The following METTL15 variants were observed in gnomAD, a reference collection of about 807,000 sequenced individuals.
METTL15 encodes the protein 12S rRNA N(4)-cytidine methyltransferase METTL15.
METTL15 carries 34 observed loss-of-function variants against 38.3 expected under a neutral mutation model. The observed-to-expected ratio is 0.89, with a 90% confidence interval of 0.68 to 1.18. The LOEUF (loss-of-function observed/expected upper bound fraction) is 1.18, where lower values mean the gene tolerates loss of function less well. METTL15 is among the 50% of genes most tolerant of loss of function. METTL15 has a pLI of 0.00. For missense variants in METTL15, 438 were observed against 498.4 expected (o/e 0.88, Z 1.15); for synonymous variants, 162 against 170.9 (o/e 0.95, Z 0.41).
intron 3 of METTL15, among the ~76,000 whole-genome samples, chr11:28,200,952 G>A (rs1163301304): frequency 1.3e-5 from 2 of 152,068 alleles, no homozygotes; most frequent in African/African-American, 4.8e-5. Context: ...TTGAATAGGA[G>A]TGGTGAGAGG....
chr11:28,113,270 C>T lies in METTL15; in HGVS notation c.-17-48C>T, dbSNP rs191041404. 2,568 of 1,286,902 alleles carry T rather than the reference C, an allele frequency of 2.0e-3. 5 individuals carry two copies. The highest frequency in any genetic ancestry group is 2.5e-3 in the Non-Finnish European group (2,304 of 928,838). The allele number at this position is 1,286,902 out of a possible 1,614,324, so 79.7% of individuals were successfully genotyped here. On this transcript the variant is annotated intron_variant, in intron 2 of 6. Transcript: ENST00000407364. Reference sequence around the variant, plus strand: ...ATTTGATTTTCCCCAAGTATTAGAACATTCTTTTAAAAAAATCCAACAATC... The same window carrying T: ...ATTTGATTTTCCCCAAGTATTAGAATATTCTTTTAAAAAAATCCAACAATC...
chr11:28,496,642 G>A (rs1287045916), intron 6 of METTL15, among the ~76,000 whole-genome samples: 2 of 152,110 alleles, frequency 1.3e-5, no homozygotes, highest in African/African-American at 2.4e-5. Flanking sequence ...GTCTTGGTTT[G>A]TCTCCTTTCT....
intron 6 of METTL15, among the ~76,000 whole-genome samples, chr11:28,525,401 C>T (rs1851801797): frequency 6.6e-6 from 1 of 152,068 alleles, no homozygotes; most frequent in Admixed American, 6.5e-5. Flanking sequence ...GCTAGATACA[C>T]AGTGCTAATT....
intron 6 of METTL15, among the ~76,000 whole-genome samples, chr11:28,509,924 T>G (rs1373825304): frequency 6.6e-6 from 1 of 152,188 alleles, no homozygotes. Flanking sequence ...ATCATTTTTT[T>G]TTTCTATTCT....
At chr11:28,115,935 T>TACACACACAC (rs112533269) in intron 3 of METTL15, among the ~76,000 whole-genome samples, 8 of 142,456 alleles carry the variant, frequency 5.6e-5, no homozygotes, top group South Asian at 2.3e-4. Flanking sequence ...CACATACACA[T>TACACACACAC]ACACACACAC....
At chr11:28,221,387 C>T (rs1853212195) in intron 4 of METTL15, among the ~76,000 whole-genome samples, 1 of 152,112 alleles carries the variant, frequency 6.6e-6, no homozygotes, top group African/African-American at 2.4e-5. Flanking sequence ...TTACGCAGTT[C>T]TCGTGCCATG....
intron 6 of METTL15, among the ~76,000 whole-genome samples, chr11:28,437,341 C>T (rs1006229580): frequency 6.6e-6 from 1 of 152,148 alleles, no homozygotes; most frequent in East Asian, 1.9e-4. Context: ...ATACACTCAC[C>T]TAGCATGATG....
At chr11:28,178,783 A>G (rs756055906) in intron 3 of METTL15, among the ~76,000 whole-genome samples, 6 of 151,824 alleles carry the variant, frequency 4.0e-5, no homozygotes, top group Non-Finnish European at 8.8e-5. Flanking sequence ...ATTCATTGCG[A>G]ATATTTTACC....
intron 4 of METTL15, among the ~76,000 whole-genome samples, chr11:28,263,324 T>C (rs902861547): frequency 6.6e-6 from 1 of 152,118 alleles, no homozygotes; most frequent in Non-Finnish European, 1.5e-5. Flanking sequence ...TCACATATTA[T>C]TGGCATACCT....
At chr11:28,316,523 G>A (rs1857486597) in intron 6 of METTL15, among the ~76,000 whole-genome samples, 2 of 152,138 alleles carry the variant, frequency 1.3e-5, no homozygotes, top group Admixed American at 6.5e-5. Flanking sequence ...GCAGACTTTT[G>A]AGTTACTGCT....
intron 4 of METTL15, 107 bp from the exon 5 acceptor site, chr11:28,290,099 G>A (rs1422976080): frequency 1.2e-5 from 11 of 912,264 alleles, no homozygotes; most frequent in East Asian, 8.1e-5. Flanking sequence ...AATATATATC[G>A]GTTAAATCAT....
At chr11:28,423,298 G>T (rs1850836977) in intron 5 of METTL15, among the ~76,000 whole-genome samples, 1 of 151,818 alleles carries the variant, frequency 6.6e-6, no homozygotes, top group African/African-American at 2.4e-5. Flanking sequence ...GTTCCTCAAA[G>T]AACTAAAAAC....
chr11:28,218,499 T>C (rs1320982840), intron 4 of METTL15, among the ~76,000 whole-genome samples: 2 of 152,210 alleles, frequency 1.3e-5, no homozygotes, highest in Admixed American at 1.3e-4. Context: ...TCATGTCATC[T>C]GCAAACAGGA....
At chr11:28,208,648 C>T (rs1004393697) in intron 3 of METTL15, among the ~76,000 whole-genome samples, 1 of 152,126 alleles carries the variant, frequency 6.6e-6, no homozygotes, top group Non-Finnish European at 1.5e-5. Flanking sequence ...GAGCTGAGTT[C>T]AATTCCTGAG....
At position 28,332,023 on chromosome 11, in the gene METTL15, C is replaced by G. The variant is rs1849830210; in HGVS notation, c.*1182C>G. On this transcript the variant is annotated 3_prime_UTR_variant, in exon 7 of 7. Coordinates refer to ENST00000407364, the MANE Select transcript of METTL15 (RefSeq NM_001113528.2). ...GAAAAAAGATTCTCCATTATAGTTA[C>G]AAATTTTAGGTTGGTGAATCCAAGT... 6.6e-6 allele frequency: 1 copy of G among 152,084 alleles called. No homozygotes were observed. Among genetic ancestry groups the G allele is most frequent in the Non-Finnish European group, 1.5e-5 (1 of 68,004 alleles). 9.4% of individuals were successfully genotyped at this position (152,084 alleles called of 1,614,324 possible). A position where few individuals can be genotyped will look rare whatever the true frequency, so the allele number is the denominator to read the frequency against.
intron 4 of METTL15, chr11:28,261,288 C>T (rs1169047127): frequency 6.6e-6 from 1 of 152,182 alleles, no homozygotes; most frequent in Non-Finnish European, 1.5e-5. Flanking sequence ...ACTTTGAGAG[C>T]TTCTTTGGAG....
intron 6 of METTL15, among the ~76,000 whole-genome samples, chr11:28,427,786 A>G (rs1193997666): frequency 6.6e-6 from 1 of 152,196 alleles, no homozygotes; most frequent in Non-Finnish European, 1.5e-5. Context: ...CTGATTTTGT[A>G]TCCTGAGACT....
intron 6 of METTL15, among the ~76,000 whole-genome samples, chr11:28,502,217 T>C (rs1415171533): frequency 1.3e-5 from 2 of 152,062 alleles, no homozygotes; most frequent in Admixed American, 6.6e-5. Context: ...ATTTGAAAGA[T>C]TAAGAATTTT....
intron 6 of METTL15, among the ~76,000 whole-genome samples, chr11:28,503,027 G>GCTGTCCATGTCTGCCGA (rs1851597507): frequency 6.6e-6 from 1 of 152,154 alleles, no homozygotes; most frequent in African/African-American, 2.4e-5. Context: ...TTTCTCACTT[G>GCTGTCCATGTCTGCCGA]CTGTCCATGT....
Sources: gnomAD v4.1 joint callset for allele counts (sites outside exome capture counted in the v4.1 genomes callset) on GRCh38, gnomAD v4.1.1 for gene constraint, MANE v1.5 for transcripts, NCBI Gene and HGNC (gene_info 2026-07-23, HGNC 2026-07-21) for gene names.